FOXN3: variants seen among roughly 807,000 people sequenced by gnomAD.
The protein encoded by FOXN3 is forkhead box N3.
Under a neutral mutation model 38.4 loss-of-function variants are expected in FOXN3, and 7 were observed. The observed-to-expected ratio is 0.18, with a 90% CI of 0.10 to 0.34. FOXN3 has a LOEUF of 0.34. FOXN3 is among the 10% of genes least tolerant of loss of function. The pLI, the probability that FOXN3 is intolerant of heterozygous loss-of-function variation, is 1.00. For missense variants in FOXN3, 456 were observed against 613.4 expected, an observed-to-expected ratio of 0.74 and a Z score of 2.71; for synonymous variants, 230 against 242.2, an observed-to-expected ratio of 0.95 and a Z score of 0.47.
chr14:89,279,467 C>T (rs1254950910), intron 4 of FOXN3, among the ~76,000 whole-genome samples: 5 of 152,166 alleles, frequency 3.3e-5, no homozygotes, highest in African/African-American at 4.8e-5. Flanking sequence ...AAAACAAAAT[C>T]TCTTTTCTCA....
At chr14:89,564,760 C>G (rs1237730387) in intron 1 of FOXN3, among the ~76,000 whole-genome samples, 1 of 151,246 alleles carries the variant, frequency 6.6e-6, no homozygotes, top group Non-Finnish European at 1.5e-5. Context: ...ATGAGGTCAT[C>G]CCGGAATAAG....
chr14:89,323,503 G>A (rs1887954587), intron 3 of FOXN3, among the ~76,000 whole-genome samples: 1 of 151,710 alleles, frequency 6.6e-6, no homozygotes, highest in South Asian at 2.1e-4. Context: ...GGTGGATCAC[G>A]AGGTCAGGAG....
At chr14:89,370,989 T>C (rs1470102821) in intron 2 of FOXN3, among the ~76,000 whole-genome samples, 1 of 125,122 alleles carries the variant, frequency 8.0e-6, no homozygotes, top group Non-Finnish European at 1.9e-5. Flanking sequence ...CGTGCGTCTA[T>C]TTCAGCACCA....
At chr14:89,469,900 G>A (rs1012550870) in intron 1 of FOXN3, among the ~76,000 whole-genome samples, 1 of 152,364 alleles carries the variant, frequency 6.6e-6, no homozygotes, top group Admixed American at 6.5e-5. Flanking sequence ...GAATGTCAGC[G>A]AGTTGGTCGC....
intron 3 of FOXN3, among the ~76,000 whole-genome samples, chr14:89,324,099 G>T (rs1027764429): frequency 6.6e-6 from 1 of 152,192 alleles, no homozygotes; most frequent in African/African-American, 2.4e-5. Flanking sequence ...AGCCATTCAA[G>T]AATGAAAAGT....
chr14:89,188,282 G>A (rs529179404), intron 4 of FOXN3, among the ~76,000 whole-genome samples: 1 of 152,316 alleles, frequency 6.6e-6, no homozygotes, highest in East Asian at 1.9e-4. Context: ...TTGGAGAGGG[G>A]AGGCGAACAC....
chr14:89,549,973 G>T (rs948863185), intron 1 of FOXN3, among the ~76,000 whole-genome samples: 1 of 152,208 alleles, frequency 6.6e-6, no homozygotes, highest in Non-Finnish European at 1.5e-5. Context: ...CCTTCAGTGC[G>T]ATGCCTGTGA....
chr14:89,335,075 T>TCAC (rs1888403562), intron 3 of FOXN3, among the ~76,000 whole-genome samples: 1 of 136,266 alleles, frequency 7.3e-6, no homozygotes, highest in East Asian at 2.1e-4. Flanking sequence ...ACTATTTTCA[T>TCAC]ATCACACACA....
chr14:89,214,287 G>A (rs747081852), intron 4 of FOXN3, among the ~76,000 whole-genome samples: 5 of 152,232 alleles, frequency 3.3e-5, no homozygotes, highest in African/African-American at 4.8e-5. Flanking sequence ...GATGTTGAAA[G>A]AGGACCAGGT....
chr14:89,370,379 C>T (rs1890281798), intron 2 of FOXN3, among the ~76,000 whole-genome samples: 2 of 152,244 alleles, frequency 1.3e-5, no homozygotes, highest in African/African-American at 4.8e-5. Flanking sequence ...AGGCTTCAAA[C>T]CTGGGTCTTT....
chr14:89,538,955 T>C (rs1434044709), intron 1 of FOXN3, among the ~76,000 whole-genome samples: 2 of 152,104 alleles, frequency 1.3e-5, no homozygotes, highest in African/African-American at 4.8e-5. Flanking sequence ...GCGATTCTCC[T>C]GCCTCAGCCT....
At chr14:89,431,420 A>C (rs888542523) in intron 1 of FOXN3, among the ~76,000 whole-genome samples, 1 of 152,054 alleles carries the variant, frequency 6.6e-6, no homozygotes, top group Admixed American at 6.6e-5. Flanking sequence ...CATGTTGGCC[A>C]GGCCGGTCTT....
chr14:89,491,903 C>G (rs532238379), intron 1 of FOXN3, among the ~76,000 whole-genome samples: 7 of 152,138 alleles, frequency 4.6e-5, no homozygotes, highest in Non-Finnish European at 8.8e-5. Context: ...TTCAGCCTAG[C>G]GCTTTACATT....
chr14:89,311,620 G>T (rs988672298), intron 3 of FOXN3, among the ~76,000 whole-genome samples: 1 of 151,440 alleles, frequency 6.6e-6, no homozygotes, highest in Non-Finnish European at 1.5e-5. Flanking sequence ...AGATCAGGAG[G>T]TCAAGACCAT....
chr14:89,343,816 G>A (rs1337513385), intron 3 of FOXN3, among the ~76,000 whole-genome samples: 3 of 151,884 alleles, frequency 2.0e-5, no homozygotes, highest in Non-Finnish European at 4.4e-5. Flanking sequence ...AGGGTGGAGT[G>A]CAATGGTGCA....
In FOXN3 at chr14:89,219,757, T is replaced by TG. The variant is rs1248028122; in HGVS notation, c.746-38952_746-38951insC. Among the ~76,000 whole-genome samples, 7 of 152,342 alleles carry TG rather than the reference T, an allele frequency of 4.6e-5. No homozygotes were observed. The East Asian group carries it at 1.3e-3, about 29-fold the overall frequency. ...AGCCCTTAGAACAGCGCCTGGTTTG[T>TG]AGGCATTGTCAATGAATGTTAGCTA... On this transcript the variant is annotated intron_variant, in intron 4 of 5. Transcript: ENST00000557258.
intron 2 of FOXN3, among the ~76,000 whole-genome samples, chr14:89,407,066 T>C (rs1891410087): frequency 6.6e-6 from 1 of 151,022 alleles, no homozygotes; most frequent in Non-Finnish European, 1.5e-5. Context: ...TGTGAACCCA[T>C]GGCTCAATCT....
chr14:89,423,303 A>G (rs1891955392), intron 1 of FOXN3, among the ~76,000 whole-genome samples: 1 of 152,204 alleles, frequency 6.6e-6, no homozygotes, highest in Admixed American at 6.5e-5. Context: ...ACTTCTTTCT[A>G]TCTACCTAGT....
At chr14:89,199,153 A>C (rs922663855) in intron 4 of FOXN3, among the ~76,000 whole-genome samples, 2 of 152,170 alleles carry the variant, frequency 1.3e-5, no homozygotes, top group Admixed American at 6.5e-5. Flanking sequence ...TTTTGGCTGA[A>C]GGTTATTGAG....
Sources: allele counts gnomAD v4.1 joint callset (sites outside exome capture counted in the v4.1 genomes callset), GRCh38; gene constraint gnomAD v4.1.1; transcripts MANE v1.5; gene names NCBI Gene and HGNC (gene_info 2026-07-23, HGNC 2026-07-21).